AGMO: variants seen among roughly 807,000 people sequenced by gnomAD.
The protein encoded by AGMO is alkylglycerol monooxygenase, also known as glyceryl-ether monooxygenase.
Under a neutral mutation model 60.2 loss-of-function variants are expected in AGMO, and 75 were observed. That is an observed-to-expected ratio of 1.25 (90% CI 1.03 to 1.51). The LOEUF (loss-of-function observed/expected upper bound fraction) is 1.51, where lower values mean the gene tolerates loss of function less well. Among genes scored for constraint, AGMO ranks in the 40% most tolerant of loss-of-function variants. AGMO has a pLI of 0.00. For missense variants in AGMO, 763 were observed against 525.5 expected, an observed-to-expected ratio of 1.45 and a Z score of -4.42; for synonymous variants, 261 against 177.1, an observed-to-expected ratio of 1.47 and a Z score of -3.76.
chr7:15,219,560 G>A (rs1466280022), intron 12 of AGMO, among the ~76,000 whole-genome samples: 1 of 152,096 alleles, frequency 6.6e-6, no homozygotes, highest in Non-Finnish European at 1.5e-5. Context: ...CAAGTAAAGA[G>A]TAAAGAAGGA....
At chr7:15,514,639 T>G (rs959226830) in intron 3 of AGMO, among the ~76,000 whole-genome samples, 1 of 152,194 alleles carries the variant, frequency 6.6e-6, no homozygotes, top group Non-Finnish European at 1.5e-5. Context: ...TATATGAATA[T>G]GTGAAAATGC....
chr7:15,135,729 A>C, the AGMO span, among the ~76,000 whole-genome samples: 15 of 141,912 alleles, frequency 1.1e-4, no homozygotes, highest in African/African-American at 3.8e-4. Context: ...ATTTCAAGAT[A>C]ATCTGCTTAT....
At chr7:15,166,905 T>C in the AGMO span, among the ~76,000 whole-genome samples, 16 of 151,988 alleles carry the variant, frequency 1.1e-4, no homozygotes, top group East Asian at 2.3e-3. Flanking sequence ...AAGTGGGAGG[T>C]CAGGTTGCTC....
chr7:15,237,944 G>T (rs1021665376), intron 12 of AGMO, among the ~76,000 whole-genome samples: 8 of 152,044 alleles, frequency 5.3e-5, no homozygotes, highest in African/African-American at 1.9e-4. Context: ...GAAAGACAGG[G>T]CTCTTATTTA....
chr7:15,333,780 A>G (rs1781570560), intron 12 of AGMO, among the ~76,000 whole-genome samples: 1 of 152,114 alleles, frequency 6.6e-6, no homozygotes, highest in East Asian at 1.9e-4. Flanking sequence ...GATTCCCAAC[A>G]TGACTGCAAT....
the AGMO span, among the ~76,000 whole-genome samples, chr7:15,141,656 T>C: frequency 2.0e-5 from 3 of 152,190 alleles, no homozygotes. Flanking sequence ...TTTATTTCTC[T>C]AAGACCATTA....
At chr7:15,330,006 CTAATT>C (rs1457785618) in intron 12 of AGMO, among the ~76,000 whole-genome samples, 3 of 152,012 alleles carry the variant, frequency 2.0e-5, no homozygotes, top group Admixed American at 6.6e-5. Context: ...GAAAAAATAA[CTAATT>C]TATAGAAGTT....
intron 6 of AGMO, among the ~76,000 whole-genome samples, chr7:15,393,828 C>CA (rs1392189632): frequency 6.6e-6 from 1 of 152,146 alleles, no homozygotes; most frequent in Admixed American, 6.5e-5. Flanking sequence ...TGTATTTCCT[C>CA]AGCTGGTTAA....
chr7:15,518,988 C>A (rs1783903589), intron 3 of AGMO, among the ~76,000 whole-genome samples: 1 of 151,446 alleles, frequency 6.6e-6, no homozygotes, highest in Non-Finnish European at 1.5e-5. Context: ...TCTAATGGAG[C>A]TGAAAAACAC....
chr7:15,447,033 C>A (rs1055389637), intron 3 of AGMO, among the ~76,000 whole-genome samples: 1 of 152,126 alleles, frequency 6.6e-6, no homozygotes, highest in Non-Finnish European at 1.5e-5. Flanking sequence ...ACTGAGGCAC[C>A]AAACGATGAG....
intron 3 of AGMO, among the ~76,000 whole-genome samples, chr7:15,486,097 G>C (rs1383005856): frequency 6.6e-6 from 1 of 152,118 alleles, no homozygotes; most frequent in Non-Finnish European, 1.5e-5. Context: ...CCATGTATTG[G>C]ATCATTGCTA....
At chr7:15,476,110 T>C (rs1057380141) in intron 3 of AGMO, among the ~76,000 whole-genome samples, 1 of 152,082 alleles carries the variant, frequency 6.6e-6, no homozygotes, top group African/African-American at 2.4e-5. Flanking sequence ...TATTGATAGA[T>C]AATATGTACA....
chr7:15,431,284 A>C (rs1303551096), intron 3 of AGMO, among the ~76,000 whole-genome samples, 176 bp from the exon 4 acceptor site: 1 of 151,892 alleles, frequency 6.6e-6, no homozygotes, highest in Non-Finnish European at 1.5e-5. Context: ...GGAACCAAAG[A>C]CTGTATACAT....
chr7:15,259,600 T>C (rs1006380818), intron 12 of AGMO, among the ~76,000 whole-genome samples: 7 of 152,098 alleles, frequency 4.6e-5, no homozygotes, highest in East Asian at 1.9e-4. Context: ...CCTAGGCACA[T>C]AGTCATCAGG....
At chr7:15,387,272 C>T in intron 9 of AGMO, 134 bp downstream of exon 9, 2 of 986,046 alleles carry the variant, frequency 2.0e-6, no homozygotes, top group East Asian at 2.4e-5. Context: ...GTAAGTTATG[C>T]ACCACAGGAC....
the AGMO span, among the ~76,000 whole-genome samples, chr7:15,119,155 A>T: frequency 1.3e-5 from 2 of 151,606 alleles, no homozygotes; most frequent in East Asian, 3.9e-4. Flanking sequence ...CCCCACCCAA[A>T]TCTCATGTTG....
At chr7:15,233,677 C>G (rs977499666) in intron 12 of AGMO, among the ~76,000 whole-genome samples, 3 of 152,062 alleles carry the variant, frequency 2.0e-5, no homozygotes, top group Non-Finnish European at 2.9e-5. Context: ...GCGATTAAAG[C>G]CCACATAACA....
intron 3 of AGMO, among the ~76,000 whole-genome samples, chr7:15,470,577 G>C (rs1782426495): frequency 6.6e-6 from 1 of 151,882 alleles, no homozygotes; most frequent in Non-Finnish European, 1.5e-5. Context: ...GGAAAATCCA[G>C]TATTGACTTA....
At position 15,500,927 on chromosome 7, in the gene AGMO, G is replaced by T. The variant is rs533358104; in HGVS notation, c.409+43845C>A. 9.8e-4 allele frequency among the ~76,000 whole-genome samples: 141 copies of T among 143,874 alleles called. 3 individuals are homozygous for T. The South Asian group carries it at 0.029, about 29-fold the overall frequency. 94.4% of individuals were successfully genotyped at this position (143,874 alleles called of 152,430 possible). On this transcript the variant is annotated intron_variant, in intron 3 of 12. Transcript: ENST00000342526. ...AGTTTCAAAGAATGTCTTGATTTTT[G>T]TCCCCTTAACTTCATTATTTACCCA...
Sources: gnomAD v4.1 joint callset for allele counts (sites outside exome capture counted in the v4.1 genomes callset) on GRCh38, gnomAD v4.1.1 for gene constraint, MANE v1.5 for transcripts, NCBI Gene and HGNC (gene_info 2026-07-23, HGNC 2026-07-21) for gene names.